Variants in COLEC10 observed in about 807,000 individuals in gnomAD.
COLEC10 encodes collectin subfamily member 10, also known as collectin-10.
Under a neutral mutation model 28.4 loss-of-function variants are expected in COLEC10, and 22 were observed. The ratio of observed to expected loss-of-function variants is 0.78; its 90% CI spans 0.55 to 1.11. The LOEUF (loss-of-function observed/expected upper bound fraction) is 1.11, where lower values mean the gene tolerates loss of function less well. COLEC10 is among the 50% of genes least tolerant of loss of function. The pLI is 0.00. For missense variants in COLEC10, 361 were observed against 344.1 expected (o/e 1.05, Z -0.39); for synonymous variants, 125 against 116.1 (o/e 1.08, Z -0.49).
upstream of COLEC10, among the ~76,000 whole-genome samples, chr8:119,067,087 T>G (rs1158120885): frequency 6.6e-6 from 1 of 152,174 alleles, no homozygotes; most frequent in Non-Finnish European, 1.5e-5. Context: ...AAATAAACAG[T>G]CTGGACAATG....
At chr8:119,079,038 CACACACCA>C (rs1052649654) in intron 1 of COLEC10, among the ~76,000 whole-genome samples, 2 of 112,764 alleles carry the variant, frequency 1.8e-5, no homozygotes, top group Admixed American at 1.7e-4. Flanking sequence ...CACACACACA[CACACACCA>C]ACCAGGATGT....
Position 119,095,903 on chromosome 8 carries a change from A to G in COLEC10, c.292+4683A>G, listed in dbSNP as rs553966260. Reference sequence around the variant, plus strand: ...ACATTTATTAGGAAACTAAACCATTAGAATAGTGTAATTTCATGAAGAGAT... The same window carrying G: ...ACATTTATTAGGAAACTAAACCATTGGAATAGTGTAATTTCATGAAGAGAT... On this transcript the variant is annotated intron_variant, in intron 3 of 5. Coordinates refer to ENST00000332843, the MANE Select transcript of COLEC10 (RefSeq NM_006438.5). Among the ~76,000 whole-genome samples the G allele has an allele frequency of 2.0e-5, 3 of 152,354 alleles. No homozygotes were observed. In the East Asian group the frequency reaches 5.8e-4, roughly 29 times the overall value.
intron 2 of COLEC10, among the ~76,000 whole-genome samples, chr8:119,040,485 T>A (rs1338747931): frequency 6.6e-6 from 1 of 152,096 alleles, no homozygotes; most frequent in Non-Finnish European, 1.5e-5. Flanking sequence ...ATTATAAATA[T>A]AAGTGGACAG....
At position 119,108,099 on chromosome 8, in the gene COLEC10, G is replaced by A. The variant is rs928043373; in HGVS notation, c.*1908G>A. ...GCTTAATAATAGGAATTTGTTATAT[G>A]TTTGACATTTATCAGGTTACTAGTT... On this transcript the variant is annotated 3_prime_UTR_variant, in exon 6 of 6. Transcript: ENST00000332843. Among the ~76,000 whole-genome samples the A allele has an allele frequency of 6.6e-6, 1 of 152,020 alleles. No homozygotes were observed. Among genetic ancestry groups the A allele is most frequent in the African/African-American group, 2.4e-5 (1 of 41,412 alleles).
At chr8:118,985,674 G>C in the COLEC10 span, among the ~76,000 whole-genome samples, 1 of 151,956 alleles carries the variant, frequency 6.6e-6, no homozygotes, top group Non-Finnish European at 1.5e-5. Context: ...AAATAAAGGG[G>C]TCTAGAAATT....
At chr8:119,103,690 T>C in intron 4 of COLEC10, 110 bp from the exon 5 acceptor site, 1 of 685,602 alleles carries the variant, frequency 1.5e-6, no homozygotes, top group South Asian at 1.8e-5. Flanking sequence ...TTCACAGATA[T>C]ATAGAACCAG....
intron 1 of COLEC10, among the ~76,000 whole-genome samples, chr8:119,073,272 C>T (rs1286604673): frequency 6.6e-6 from 1 of 152,194 alleles, no homozygotes; most frequent in Admixed American, 6.5e-5. Flanking sequence ...TCATTTTCCT[C>T]ACCTTATATC....
chr8:118,984,549 T>A, the COLEC10 span, among the ~76,000 whole-genome samples: 3 of 152,114 alleles, frequency 2.0e-5, no homozygotes, highest in African/African-American at 7.2e-5. Flanking sequence ...AGGGTCATAC[T>A]GGATTATGTA....
upstream of COLEC10, among the ~76,000 whole-genome samples, chr8:119,065,199 G>A (rs982263292): frequency 2.6e-5 from 4 of 152,080 alleles, no homozygotes; most frequent in Non-Finnish European, 5.9e-5. Flanking sequence ...TTAGGAGCAC[G>A]GCTGTACAGC....
chr8:119,081,008 G>A (rs1057437461), intron 1 of COLEC10, among the ~76,000 whole-genome samples: 3 of 151,558 alleles, frequency 2.0e-5, no homozygotes, highest in Non-Finnish European at 2.9e-5. Context: ...ATTTTTAATC[G>A]GTCCCATGAT....
At chr8:119,050,436 G>A (rs979831005) in intron 2 of COLEC10, among the ~76,000 whole-genome samples, 3 of 152,116 alleles carry the variant, frequency 2.0e-5, no homozygotes, top group Non-Finnish European at 1.5e-5. Context: ...TCAGTAAAGA[G>A]ATTTTCTATT....
chr8:119,104,153 G>C (rs758272417), intron 5 of COLEC10, among the ~76,000 whole-genome samples: 5 of 152,130 alleles, frequency 3.3e-5, no homozygotes, highest in African/African-American at 7.2e-5. Context: ...ATGGAGAAAA[G>C]AGCAGAGTGT....
intron 2 of COLEC10, among the ~76,000 whole-genome samples, chr8:119,024,424 A>T (rs1005594560): frequency 6.6e-6 from 1 of 152,128 alleles, no homozygotes; most frequent in Non-Finnish European, 1.5e-5. Flanking sequence ...GGCATAAGTT[A>T]TGTATATGAC....
intron 1 of COLEC10, among the ~76,000 whole-genome samples, chr8:119,077,246 T>TTTTTTTC (rs1815259779): frequency 8.9e-6 from 1 of 112,402 alleles, no homozygotes; most frequent in Non-Finnish European, 1.7e-5. Flanking sequence ...GAGAATGATT[T>TTTTTTTC]TTTTTTTTTT....
chr8:119,089,155 T>G (rs1342171566), intron 1 of COLEC10, among the ~76,000 whole-genome samples: 1 of 152,210 alleles, frequency 6.6e-6, no homozygotes, highest in African/African-American at 2.4e-5. Flanking sequence ...TCTTTAATTC[T>G]TCAAGGTGCT....
chr8:119,099,789 T>A (rs1226958588), intron 3 of COLEC10, among the ~76,000 whole-genome samples: 2 of 152,198 alleles, frequency 1.3e-5, no homozygotes, highest in Non-Finnish European at 2.9e-5. Flanking sequence ...CCATCTTTTC[T>A]TTTTCTGAAT....
upstream of COLEC10, among the ~76,000 whole-genome samples, chr8:119,063,692 GAT>G (rs60428482): frequency 0.27 from 39,558 of 147,554 alleles, 5,831 homozygotes; most frequent in East Asian, 0.66. Flanking sequence ...GTTAGATGTG[GAT>G]ATATATATAT....
At chr8:119,055,670 G>T (rs1226188657) in intron 2 of COLEC10, among the ~76,000 whole-genome samples, 1 of 152,038 alleles carries the variant, frequency 6.6e-6, no homozygotes, top group East Asian at 1.9e-4. Flanking sequence ...ATGTGTTAGA[G>T]CTGACTACAA....
intron 1 of COLEC10, among the ~76,000 whole-genome samples, chr8:119,088,285 CA>C (rs1419010348): frequency 6.6e-6 from 1 of 152,016 alleles, no homozygotes; most frequent in Non-Finnish European, 1.5e-5. Flanking sequence ...CTAGTTCACT[CA>C]ATTCTTACCT....
Sources: allele counts gnomAD v4.1 joint callset (sites outside exome capture counted in the v4.1 genomes callset), GRCh38; gene constraint gnomAD v4.1.1; transcripts MANE v1.5; gene names NCBI Gene and HGNC (gene_info 2026-07-23, HGNC 2026-07-21).